ACACA: variants seen among roughly 807,000 people sequenced by gnomAD.
ACACA encodes acetyl-CoA carboxylase 1.
A neutral mutation model predicts 296.1 loss-of-function variants in ACACA; 103 were observed. That is an observed-to-expected ratio of 0.35 (90% CI 0.30 to 0.41). ACACA has a LOEUF of 0.41. Ranked by LOEUF, ACACA falls within the 10% of genes least tolerant of loss-of-function variation. The probability of loss-of-function intolerance (pLI) is 1.00; values close to 1 mark genes in which losing one functional copy is unlikely to be tolerated. For missense variants in ACACA, 1,554 were observed against 2,989.7 expected (o/e 0.52, Z 11.20); for synonymous variants, 953 against 1,038.6 (o/e 0.92, Z 1.58).
chr17:37,315,829 T>C (rs568663941), intron 3 of ACACA, among the ~76,000 whole-genome samples: 2 of 152,196 alleles, frequency 1.3e-5, no homozygotes, highest in Admixed American at 6.5e-5. Context: ...CAAGGTTTTA[T>C]GGAGGTTTCA....
intron 38 of ACACA, among the ~76,000 whole-genome samples, chr17:37,190,600 C>T (rs1253745098): frequency 6.6e-6 from 1 of 152,044 alleles, no homozygotes. Flanking sequence ...ATACATAATA[C>T]ATGAGAAATT....
chr17:37,127,805 C>G (rs1187866650), intron 47 of ACACA, among the ~76,000 whole-genome samples: 17 of 141,574 alleles, frequency 1.2e-4, no homozygotes, highest in African/African-American at 4.5e-4. Context: ...GATCGCGCCA[C>G]TGCACTCCAG....
intron 3 of ACACA, among the ~76,000 whole-genome samples, chr17:37,299,069 G>A (rs931082322): frequency 2.0e-5 from 3 of 151,888 alleles, no homozygotes; most frequent in Admixed American, 1.3e-4. Flanking sequence ...ATGGGCTCAG[G>A]GATCTTTTAT....
chr17:37,403,518 T>C (rs557355999), intron 1 of ACACA, among the ~76,000 whole-genome samples: 7 of 152,090 alleles, frequency 4.6e-5, no homozygotes, highest in African/African-American at 9.6e-5. Context: ...ACTACAGGCA[T>C]GCGCCACTAC....
At chr17:37,094,272 G>T (rs2072832235) in intron 54 of ACACA, among the ~76,000 whole-genome samples, 1 of 152,120 alleles carries the variant, frequency 6.6e-6, no homozygotes. Flanking sequence ...CATGGTAACA[G>T]ATATCTCTAA....
At chr17:37,276,245 T>G (rs1173361452) in intron 7 of ACACA, among the ~76,000 whole-genome samples, 196 bp from the exon 8 acceptor site, 2 of 152,198 alleles carry the variant, frequency 1.3e-5, no homozygotes, top group Non-Finnish European at 2.9e-5. Flanking sequence ...CCTAATGTAG[T>G]AAGCTTTTTG....
chr17:37,132,859 A>C lies in ACACA; in HGVS notation c.5680-2641T>G, dbSNP rs557370626. On this transcript the variant is annotated intron_variant, in intron 45 of 55. Coordinates refer to ENST00000616317, the MANE Select transcript of ACACA (RefSeq NM_198834.3). ...AAAAGTGATCCTCTGCCACTTATCT[A>C]TTCTACCCCATATTTTTACAAAATA... is the stretch of plus-strand genomic sequence containing the variant. Among the ~76,000 whole-genome samples the C allele has an allele frequency of 2.0e-5, 3 of 152,208 alleles. No individual in the cohort carries two copies. In the South Asian group the frequency reaches 6.2e-4, roughly 32 times the overall value.
At chr17:37,258,463 T>A (rs1025074270) in intron 12 of ACACA, 90 bp from the exon 13 acceptor site, 49 of 1,249,412 alleles carry the variant, frequency 3.9e-5, no homozygotes, top group African/African-American at 7.5e-5. Context: ...ATTTTTATTT[T>A]TGGAGCCACT....
At chr17:37,350,336 GA>G (rs1266324689) in intron 1 of ACACA, among the ~76,000 whole-genome samples, 2 of 124,158 alleles carry the variant, frequency 1.6e-5, no homozygotes, top group African/African-American at 3.0e-5. Context: ...CTCAAAAAAA[GA>G]AAAAAAAAAC....
chr17:37,129,551 C>T, intron 46 of ACACA, 66 bp from the exon 47 acceptor site: 13 of 1,605,910 alleles, frequency 8.1e-6, no homozygotes, highest in Non-Finnish European at 1.1e-5. Context: ...AACTCAGCAA[C>T]AATAGTTATA....
chr17:37,210,351 T>A, intron 30 of ACACA, 116 bp downstream of exon 30: 1 of 931,082 alleles, frequency 1.1e-6, no homozygotes, highest in South Asian at 1.4e-5. Context: ...AGCTCAGGAC[T>A]CCCTAGCAGA....
Position 37,128,868 on chromosome 17 carries a change from T to C in ACACA, c.5944+497A>G, listed in dbSNP as rs183387037. Among the ~76,000 whole-genome samples the C allele has an allele frequency of 9.2e-5, 14 of 152,332 alleles. No homozygotes were observed. The East Asian group carries it at 2.7e-3, about 29-fold the overall frequency. On this transcript the variant is annotated intron_variant, in intron 47 of 55. Transcript: ENST00000616317. ...AAGCAAGTACCAATACCATTACCAA[T>C]ATCATAAGAAGGGCACATGCAGCGT...
chr17:37,108,945 G>C (rs561434440), intron 52 of ACACA, among the ~76,000 whole-genome samples: 7 of 152,334 alleles, frequency 4.6e-5, no homozygotes, highest in African/African-American at 1.4e-4. Context: ...GAGAAAAGGA[G>C]AACACAGAGA....
chr17:37,214,078 T>C (rs549238697), intron 29 of ACACA, among the ~76,000 whole-genome samples: 1 of 152,174 alleles, frequency 6.6e-6, no homozygotes, highest in East Asian at 1.9e-4. Context: ...AAAGCCAGTA[T>C]AGGGCAACTC....
chr17:37,216,154 A>C lies in ACACA; in HGVS notation c.3683+5570T>G, dbSNP rs1323850089. On this transcript the variant is annotated intron_variant, in intron 29 of 55. Transcript: ENST00000616317. ...CACACACACACACACACACACACACACACAACATACACATGTTACATATAC... is the reference window on the plus strand; with the variant it reads ...CACACACACACACACACACACACACCCACAACATACACATGTTACATATAC... Among the ~76,000 whole-genome samples the C allele has an allele frequency of 9.0e-3, 1,220 of 134,902 alleles. 36 individuals carry two copies. The highest frequency in any genetic ancestry group is 0.064 in the Admixed American group (825 of 12,904). 88.5% of individuals were successfully genotyped at this position (134,902 alleles called of 152,430 possible). A position where few individuals can be genotyped will look rare whatever the true frequency, so the allele number is the denominator to read the frequency against.
intron 29 of ACACA, among the ~76,000 whole-genome samples, chr17:37,213,882 T>G (rs997875645): frequency 1.4e-5 from 2 of 147,168 alleles, no homozygotes; most frequent in African/African-American, 2.7e-5. Flanking sequence ...TCTGTGAGCC[T>G]TTTTACCATC....
At chr17:37,347,222 G>A (rs1051231732) in intron 1 of ACACA, among the ~76,000 whole-genome samples, 2 of 152,122 alleles carry the variant, frequency 1.3e-5, no homozygotes, top group African/African-American at 2.4e-5. Context: ...CTCTCTCTCT[G>A]CCTGCTTCCA....
intron 3 of ACACA, 61 bp downstream of exon 3, chr17:37,330,112 A>C (rs1337552371): frequency 6.2e-7 from 1 of 1,601,744 alleles, no homozygotes; most frequent in Non-Finnish European, 8.5e-7. Flanking sequence ...CTCTTTTCAG[A>C]ACATAATCAG....
chr17:37,206,942 T>C (rs1309496380), intron 31 of ACACA, 63 bp from the exon 32 acceptor site: 26 of 1,341,824 alleles, frequency 1.9e-5, no homozygotes, highest in Non-Finnish European at 2.7e-5. Flanking sequence ...AACACTGCCA[T>C]TGGCAGCTGA....
Sources: allele counts gnomAD v4.1 joint callset (sites outside exome capture counted in the v4.1 genomes callset), GRCh38; gene constraint gnomAD v4.1.1; transcripts MANE v1.5; gene names NCBI Gene and HGNC (gene_info 2026-07-23, HGNC 2026-07-21).